CDH18: variants seen among roughly 807,000 people sequenced by gnomAD.
CDH18 encodes the protein cadherin 18, also known as cadherin-18.
A neutral mutation model predicts 67.9 loss-of-function variants in CDH18; 31 were observed. The ratio of observed to expected loss-of-function variants is 0.46; its 90% confidence interval spans 0.34 to 0.62. The LOEUF (loss-of-function observed/expected upper bound fraction) is 0.62, where lower values mean the gene tolerates loss of function less well. CDH18 is among the 20% of genes least tolerant of loss of function. The probability of loss-of-function intolerance (pLI) is 0.01; values close to 1 mark genes in which losing one functional copy is unlikely to be tolerated. For missense variants in CDH18, 890 were observed against 975.5 expected (o/e 0.91, Z 1.17); for synonymous variants, 362 against 347.2 (o/e 1.04, Z -0.48).
intron 1 of CDH18, among the ~76,000 whole-genome samples, chr5:20,519,942 C>CTT (rs777265512): frequency 1.9e-4 from 8 of 41,684 alleles, no homozygotes; most frequent in Non-Finnish European, 2.7e-4. Flanking sequence ...ACAGTCTTGG[C>CTT]TTTTTTTTTT....
intron 4 of CDH18, among the ~76,000 whole-genome samples, chr5:19,733,928 A>T (rs981567391): frequency 2.0e-5 from 3 of 152,218 alleles, no homozygotes; most frequent in Admixed American, 2.0e-4. Context: ...GCAGTTGGCC[A>T]GACCCCACAC....
At chr5:19,846,155 CT>C (rs1313044020) in intron 2 of CDH18, among the ~76,000 whole-genome samples, 1 of 151,658 alleles carries the variant, frequency 6.6e-6, no homozygotes, top group Non-Finnish European at 1.5e-5. Flanking sequence ...CTTCTTTCTC[CT>C]TTTTATTCAT....
At chr5:20,467,599 T>C (rs1207577231) in intron 1 of CDH18, among the ~76,000 whole-genome samples, 3 of 152,166 alleles carry the variant, frequency 2.0e-5, no homozygotes, top group African/African-American at 7.2e-5. Flanking sequence ...TGTGATGAAT[T>C]TGGCATTCAC....
At chr5:20,503,864 C>A (rs879853194) in intron 1 of CDH18, among the ~76,000 whole-genome samples, 5 of 151,756 alleles carry the variant, frequency 3.3e-5, no homozygotes, top group African/African-American at 1.2e-4. Flanking sequence ...AGGGCGAAAC[C>A]CTGCCTCTAC....
upstream of CDH18, among the ~76,000 whole-genome samples, chr5:19,990,786 AAGAAG>A (rs1561691355): frequency 5.8e-4 from 87 of 151,054 alleles, no homozygotes; most frequent in African/African-American, 2.1e-3. Flanking sequence ...AAAAGAAAAG[AAGAAG>A]AAGAAGAAGA....
intron 2 of CDH18, among the ~76,000 whole-genome samples, chr5:20,110,779 G>A (rs904350085): frequency 6.6e-6 from 1 of 152,196 alleles, no homozygotes; most frequent in Non-Finnish European, 1.5e-5. Context: ...CACACCTAAA[G>A]TAGTGGCAGC....
intron 3 of CDH18, among the ~76,000 whole-genome samples, chr5:19,771,204 T>C (rs1413043059): frequency 1.3e-5 from 2 of 152,232 alleles, no homozygotes; most frequent in African/African-American, 4.8e-5. Context: ...CCTTGTGTAA[T>C]GTCGTCTTTT....
intron 2 of CDH18, among the ~76,000 whole-genome samples, chr5:19,843,341 G>A (rs1782560298): frequency 6.6e-6 from 1 of 152,218 alleles, no homozygotes. Flanking sequence ...TTGCTTCAGA[G>A]GGTGCAAGCA....
At chr5:20,542,972 T>C (rs1217046166) in intron 1 of CDH18, among the ~76,000 whole-genome samples, 1 of 152,022 alleles carries the variant, frequency 6.6e-6, no homozygotes, top group East Asian at 1.9e-4. Context: ...TGGTAAATAG[T>C]TAATTTCTCA....
intron 2 of CDH18, among the ~76,000 whole-genome samples, chr5:20,251,542 G>C (rs2126597529): frequency 6.6e-6 from 1 of 152,266 alleles, no homozygotes; most frequent in African/African-American, 2.4e-5. Flanking sequence ...ATAGGGATAT[G>C]TTCTGAGCCT....
chr5:20,168,545 A>G (rs1736468213), intron 2 of CDH18, among the ~76,000 whole-genome samples: 1 of 152,166 alleles, frequency 6.6e-6, no homozygotes, highest in Non-Finnish European at 1.5e-5. Flanking sequence ...TTCAAGATGC[A>G]TGATAAAACA....
chr5:19,762,497 A>G (rs985400342), intron 3 of CDH18, among the ~76,000 whole-genome samples: 1 of 152,234 alleles, frequency 6.6e-6, no homozygotes, highest in Non-Finnish European at 1.5e-5. Context: ...AATAATGCTC[A>G]TCATCACTGG....
At chr5:20,040,123 A>G (rs1275776280) in intron 2 of CDH18, among the ~76,000 whole-genome samples, 1 of 152,190 alleles carries the variant, frequency 6.6e-6, no homozygotes, top group Non-Finnish European at 1.5e-5. Flanking sequence ...TGGTCATTAG[A>G]GAAATGTAAA....
intron 2 of CDH18, among the ~76,000 whole-genome samples, chr5:20,163,974 T>C (rs1337578138): frequency 6.6e-6 from 1 of 152,188 alleles, no homozygotes; most frequent in Non-Finnish European, 1.5e-5. Context: ...AAATAAAATT[T>C]ATAGAATAAG....
At chr5:19,600,734 T>C (rs1489820679) in intron 6 of CDH18, among the ~76,000 whole-genome samples, 1 of 152,086 alleles carries the variant, frequency 6.6e-6, no homozygotes, top group African/African-American at 2.4e-5. Flanking sequence ...CACTAATATG[T>C]ACTATAGGAT....
intron 2 of CDH18, among the ~76,000 whole-genome samples, chr5:19,846,258 T>A (rs1343386770): frequency 6.6e-6 from 1 of 152,126 alleles, no homozygotes; most frequent in Non-Finnish European, 1.5e-5. Context: ...TGATAACAAA[T>A]TATATTCAAT....
intron 6 of CDH18, among the ~76,000 whole-genome samples, chr5:19,604,387 A>G (rs1280869432): frequency 1.3e-5 from 2 of 152,048 alleles, no homozygotes; most frequent in Non-Finnish European, 2.9e-5. Context: ...ACTGACTGAC[A>G]TGTGAGAGGT....
At chr5:19,799,445 C>T (rs983442647) in intron 3 of CDH18, among the ~76,000 whole-genome samples, 2 of 150,728 alleles carry the variant, frequency 1.3e-5, no homozygotes, top group East Asian at 3.9e-4. Context: ...AACACACACA[C>T]ACACACACAC....
chr5:19,659,570 A>T (rs2150306770), intron 5 of CDH18, among the ~76,000 whole-genome samples: 1 of 152,268 alleles, frequency 6.6e-6, no homozygotes, highest in Non-Finnish European at 1.5e-5. Flanking sequence ...TCCAAGATTT[A>T]CATTGAAATT....
Sources: allele counts gnomAD v4.1 joint callset (sites outside exome capture counted in the v4.1 genomes callset), GRCh38; gene constraint gnomAD v4.1.1; transcripts MANE v1.5; gene names NCBI Gene and HGNC (gene_info 2026-07-23, HGNC 2026-07-21).